ANXA2: variants seen among roughly 807,000 people sequenced by gnomAD.
The protein encoded by ANXA2 is annexin II.
ANXA2 carries 28 observed loss-of-function variants against 47.3 expected under a neutral mutation model. That is an observed-to-expected ratio of 0.59 (90% CI 0.44 to 0.81). The LOEUF is 0.81. Ranked by LOEUF, ANXA2 falls within the 40% of genes least tolerant of loss-of-function variation. The pLI, the probability that ANXA2 is intolerant of heterozygous loss-of-function variation, is 0.00. For synonymous variants in ANXA2, 172 were observed against 155.5 expected (o/e 1.11, Z -0.79); for missense variants, 384 against 414.3 (o/e 0.93, Z 0.64).
intron 3 of ANXA2, among the ~76,000 whole-genome samples, chr15:60,376,941 T>A (rs1595694455): frequency 1.3e-5 from 2 of 152,180 alleles, no homozygotes; most frequent in African/African-American, 4.8e-5. Context: ...GTGGGTAGCG[T>A]CCCGGCACAC....
At chr15:60,358,138 T>G (rs1021912993) in intron 5 of ANXA2, among the ~76,000 whole-genome samples, 2 of 152,216 alleles carry the variant, frequency 1.3e-5, no homozygotes, top group African/African-American at 4.8e-5. Context: ...TGTCCTTCCA[T>G]TTTTGCTTGA....
At chr15:60,347,759 G>T in intron 12 of ANXA2, 70 bp from the exon 13 acceptor site, 3 of 1,347,616 alleles carry the variant, frequency 2.2e-6, no homozygotes, top group Non-Finnish European at 3.2e-6. Flanking sequence ...TAACACAGAA[G>T]TAGCCTCAAC....
intron 4 of ANXA2, chr15:60,362,687 A>G (rs980929478): frequency 2.0e-5 from 3 of 152,236 alleles, no homozygotes; most frequent in Non-Finnish European, 2.9e-5. Flanking sequence ...CAAGTAGTTT[A>G]CATATCTTTT....
chr15:60,390,346 C>A, intron 1 of ANXA2: 1 of 825,886 alleles, frequency 1.2e-6, no homozygotes, highest in South Asian at 2.1e-5. Flanking sequence ...CACTTTCCTC[C>A]CATGCCGATA....
chr15:60,355,436 C>T (rs556382649), intron 7 of ANXA2: 158 of 234,158 alleles, frequency 6.7e-4, no homozygotes, highest in Middle Eastern at 6.5e-3. Flanking sequence ...ACTAGGGATT[C>T]ACAGGGGAAA....
chr15:60,351,448 T>C lies in ANXA2; in HGVS notation c.779-197A>G. Reference sequence around the variant, plus strand: ...TTCCACCACGGTTTTAAACCAGGGGTCTCTGAGGCCTGCAGAACCCAAGTG... The same window carrying C: ...TTCCACCACGGTTTTAAACCAGGGGCCTCTGAGGCCTGCAGAACCCAAGTG... On this transcript the variant is annotated intron_variant, in intron 10 of 12. Transcript: ENST00000451270. The C allele has an allele frequency of 6.3e-6, 4 of 639,504 alleles. No individual in the cohort carries two copies. The South Asian group carries it at 7.9e-5, about 13-fold the overall frequency. The allele number at this position is 639,504 out of a possible 1,614,324, so 39.6% of individuals were successfully genotyped here.
At chr15:60,359,079 G>C (rs2062474612) in intron 5 of ANXA2, among the ~76,000 whole-genome samples, 2 of 152,144 alleles carry the variant, frequency 1.3e-5, no homozygotes, top group Admixed American at 6.5e-5. Context: ...AGTCAAAACA[G>C]ATTTTTTTTT....
chr15:60,384,221 T>A (rs2062902833), intron 2 of ANXA2: 1 of 152,236 alleles, frequency 6.6e-6, no homozygotes, highest in African/African-American at 2.4e-5. Flanking sequence ...TCCCATTTAT[T>A]AAGAGTGCCA....
intron 5 of ANXA2, among the ~76,000 whole-genome samples, chr15:60,357,581 C>T (rs1000209964): frequency 2.6e-5 from 4 of 152,018 alleles, no homozygotes; most frequent in Non-Finnish European, 4.4e-5. Flanking sequence ...ATCACGAGGT[C>T]AAGAGATCAA....
At chr15:60,385,926 T>C in intron 2 of ANXA2, 102 bp downstream of exon 2, 3 of 707,740 alleles carry the variant, frequency 4.2e-6, no homozygotes, top group Non-Finnish European at 7.2e-6. Context: ...CTGTCTGAAT[T>C]GTCCCCATCT....
chr15:60,374,563 GT>G (rs2140887154), intron 3 of ANXA2: 1 of 455,812 alleles, frequency 2.2e-6, no homozygotes, highest in African/African-American at 2.0e-5. Flanking sequence ...AGAGCTAACT[GT>G]TTTTTAAAAA....
intron 1 of ANXA2, among the ~76,000 whole-genome samples, chr15:60,387,731 T>C (rs912370765): frequency 3.9e-5 from 6 of 152,152 alleles, no homozygotes; most frequent in Admixed American, 2.6e-4. Flanking sequence ...ACGATGGACT[T>C]TGAGTGGTAA....
At chr15:60,360,696 C>T (rs2062499992) in intron 5 of ANXA2, among the ~76,000 whole-genome samples, 1 of 152,170 alleles carries the variant, frequency 6.6e-6, no homozygotes, top group African/African-American at 2.4e-5. Context: ...TCCAATTGCC[C>T]AGGTGCTGAG....
chr15:60,361,592 T>G (rs1296641599), intron 4 of ANXA2: 1 of 156,030 alleles, frequency 6.4e-6, no homozygotes, highest in African/African-American at 2.4e-5. Context: ...AACTTTCCTA[T>G]GCAAAACACT....
intron 3 of ANXA2, among the ~76,000 whole-genome samples, chr15:60,377,562 GATTAT>G (rs1383643224): frequency 6.6e-6 from 1 of 152,072 alleles, no homozygotes. Flanking sequence ...ATAAAAGTGT[GATTAT>G]ATTATATTAA....
intron 7 of ANXA2, 73 bp from the exon 8 acceptor site, chr15:60,354,286 G>C: frequency 8.5e-7 from 1 of 1,176,320 alleles, no homozygotes. Context: ...TTTCTCCCCA[G>C]TCCATGTACG....
At chr15:60,356,349 G>GCA (rs141256072) in intron 6 of ANXA2, among the ~76,000 whole-genome samples, 188 of 150,702 alleles carry the variant, frequency 1.2e-3, no homozygotes, top group African/African-American at 4.1e-3. Flanking sequence ...GTCTACACAC[G>GCA]CACACACACA....
intron 3 of ANXA2, among the ~76,000 whole-genome samples, chr15:60,368,680 T>C (rs897324997): frequency 2.0e-5 from 3 of 152,210 alleles, no homozygotes; most frequent in African/African-American, 7.2e-5. Flanking sequence ...TTAATAGTGA[T>C]CATGTGAGTG....
At position 60,348,602 on chromosome 15, in the gene ANXA2, G is replaced by A. The variant is rs370243272; in HGVS notation, c.960+473C>T. 5.7e-3 allele frequency among the ~76,000 whole-genome samples: 860 copies of A among 152,098 alleles called. 7 individuals carry two copies. Among genetic ancestry groups the A allele is most frequent in the African/African-American group, 0.018 (755 of 41,482 alleles). On this transcript the variant is annotated intron_variant, in intron 12 of 12. Coordinates refer to ENST00000451270, the MANE Select transcript of ANXA2 (RefSeq NM_004039.3). ...TACTAAAAATACAAAAAAATTAGCC[G>A]GGTGTGGTGGCGGGCGCCTGTAGTC...
Sources: allele counts gnomAD v4.1 joint callset (sites outside exome capture counted in the v4.1 genomes callset), GRCh38; gene constraint gnomAD v4.1.1; transcripts MANE v1.5; gene names NCBI Gene and HGNC (gene_info 2026-07-23, HGNC 2026-07-21).